The following TMEM92 variants were observed in gnomAD, a reference collection of about 807,000 sequenced individuals.
TMEM92 encodes transmembrane protein 92.
Under a neutral mutation model 14.6 loss-of-function variants are expected in TMEM92, and 15 were observed. The observed-to-expected ratio is 1.03, with a 90% CI of 0.69 to 1.58. TMEM92 has a LOEUF of 1.58. Ranked by LOEUF, TMEM92 falls within the 40% of genes most tolerant of loss-of-function variation. The pLI, the probability that TMEM92 is intolerant of heterozygous loss-of-function variation, is 0.00. For synonymous variants in TMEM92, 85 were observed against 83.3 expected (o/e 1.02, Z -0.11); for missense variants, 174 against 202.4 (o/e 0.86, Z 0.85).
chr17:50,279,153 G>A (rs1275342717), intron 4 of TMEM92, 42 bp from the exon 5 acceptor site: 1 of 1,595,546 alleles, frequency 6.3e-7, no homozygotes, highest in Non-Finnish European at 8.6e-7. Context: ...GTGGTGGCCA[G>A]GGCCAGGGCC....
chr17:50,274,177 C>T (rs531145702), upstream of TMEM92, among the ~76,000 whole-genome samples: 651 of 152,102 alleles, frequency 4.3e-3, 5 homozygotes, highest in African/African-American at 0.014. Context: ...CGGGGGGTCT[C>T]ACCATGTAGG....
chr17:50,277,844 T>C lies in TMEM92; in HGVS notation c.95+104T>C. 7 of 1,434,852 alleles carry C rather than the reference T, an allele frequency of 4.9e-6. No homozygotes were observed. The East Asian group carries it at 1.4e-4, about 28-fold the overall frequency. The allele number at this position is 1,434,852 out of a possible 1,614,324, so 88.9% of individuals were successfully genotyped here. On this transcript the variant is annotated intron_variant, in intron 2 of 4. Coordinates refer to ENST00000507382, the MANE Select transcript of TMEM92 (RefSeq NM_153229.3). ...TGTGGGAGGCCAGAAACTCCATCCG[T>C]CCTCAGTCCCAATCCAGCCAGAAAC...
chr17:50,272,064 A>G (rs1910265530), upstream of TMEM92, among the ~76,000 whole-genome samples: 1 of 152,060 alleles, frequency 6.6e-6, no homozygotes, highest in Admixed American at 6.5e-5. Flanking sequence ...CTAAAATGAA[A>G]TTATTCATCG....
At chr17:50,277,600 G>C in intron 1 of TMEM92, 115 bp from the exon 2 acceptor site, 1 of 1,240,492 alleles carries the variant, frequency 8.1e-7, no homozygotes. Flanking sequence ...GGAAGAGGCT[G>C]AGTCTACTGG....
intron 2 of TMEM92, among the ~76,000 whole-genome samples, chr17:50,278,200 G>A (rs764900679): frequency 5.9e-5 from 9 of 152,058 alleles, no homozygotes; most frequent in Non-Finnish European, 1.2e-4. Context: ...GGCTCTTCCT[G>A]GACATGCCAC....
chr17:50,277,731 G>T lies in TMEM92; in HGVS notation c.86G>T (p.Gly29Val), dbSNP rs1449668252. ...AGPQKIAAKC[G>V]LILACPKGFK... ...CTTCCACAGATTGCAGCCAAATGTG[G>T]TCTCATCCTGTAAGTCTAGAGGCCA... Residue 29 changes from glycine to valine, a missense_variant, in exon 2 of 5, where the codon GGT becomes GTT. By Grantham distance (109) the Gly-to-Val change is moderately radical. Coordinates refer to ENST00000507382, the MANE Select transcript of TMEM92 (RefSeq NM_153229.3). 10 of 1,613,884 alleles carry T rather than the reference G, an allele frequency of 6.2e-6. No homozygotes were observed. Among genetic ancestry groups the T allele is most frequent in the Non-Finnish European group, 8.5e-6 (10 of 1,179,954 alleles).
rs1014898037 is a variant in TMEM92, at chr17:50,278,468, G to C, written c.96-88G>C. 4 of 1,460,786 alleles carry C rather than the reference G, an allele frequency of 2.7e-6. No individual in the cohort carries two copies. The African/African-American group carries it at 5.6e-5, about 20-fold the overall frequency. 90.5% of individuals were successfully genotyped at this position (1,460,786 alleles called of 1,614,324 possible). ...GGTGGCTTGTGCCATGAGCATCTTGGGTGTATTTTGGGGAGGCTGGGATCC... is the reference window on the plus strand; with the variant it reads ...GGTGGCTTGTGCCATGAGCATCTTGCGTGTATTTTGGGGAGGCTGGGATCC... On this transcript the variant is annotated intron_variant, in intron 2 of 4. Transcript: ENST00000507382.
intron 2 of TMEM92, among the ~76,000 whole-genome samples, 177 bp from the exon 3 acceptor site, chr17:50,278,379 C>T (rs563853955): frequency 6.6e-6 from 1 of 152,196 alleles, no homozygotes; most frequent in Non-Finnish European, 1.5e-5. Flanking sequence ...CAAGTGCACA[C>T]GCCCTTCCCC....
upstream of TMEM92, among the ~76,000 whole-genome samples, chr17:50,273,441 C>T (rs550188759): frequency 2.7e-4 from 41 of 152,348 alleles, no homozygotes; most frequent in African/African-American, 9.4e-4. Context: ...TTCCAGGAAT[C>T]TGGATGGGCC....
rs1437677045 is a variant in TMEM92 at position 50,278,859 on chromosome 17, A to G, written c.229A>G (p.Lys77Glu). The change falls in exon 4 of 5, where the codon AAG becomes GAG. Residue 77 changes from lysine (K) to glutamate (E), a missense_variant. By Grantham distance (56) the Lys-to-Glu change is moderately conservative (BLOSUM62 1). Transcript: ENST00000507382. ...LSVFCICGLA[K>E]CFCRNCREPE... is the part of the protein sequence containing the mutation. ...CGTCTTTTGCATCTGTGGCCTGGCTAAGTGCTTCTGTCGCAACTGCAGAGA... is the reference window on the plus strand; with the variant it reads ...CGTCTTTTGCATCTGTGGCCTGGCTGAGTGCTTCTGTCGCAACTGCAGAGA... 1.9e-6 allele frequency: 3 copies of G among 1,613,624 alleles called. No individual in the cohort carries two copies.
chr17:50,272,975 A>G (rs1332594638), upstream of TMEM92, among the ~76,000 whole-genome samples: 1 of 152,120 alleles, frequency 6.6e-6, no homozygotes, highest in East Asian at 1.9e-4. Context: ...GGGGAGAGAC[A>G]CAGAGGGGTT....
At chr17:50,276,245 G>A (rs1285042286) in intron 1 of TMEM92, among the ~76,000 whole-genome samples, 1 of 152,154 alleles carries the variant, frequency 6.6e-6, no homozygotes, top group Non-Finnish European at 1.5e-5. Context: ...GCCTCCCAAG[G>A]TATTTAGGAT....
rs1270066693 is a variant in TMEM92, at chr17:50,279,397, T to C, written c.*89T>C. 1.0e-6 allele frequency: 1 copy of C among 981,296 alleles called. No homozygotes were observed. The highest frequency in any genetic ancestry group is 1.6e-6 in the Non-Finnish European group (1 of 623,878). 60.8% of individuals were successfully genotyped at this position (981,296 alleles called of 1,614,324 possible). A position where few individuals can be genotyped will look rare whatever the true frequency, so the allele number is the denominator to read the frequency against. Reference sequence around the variant, plus strand: ...AGAGACTGCTGGCACCCCAGGAATGTCCCTGCCCATCCTGCCGTGTCTCTG... The same window carrying C: ...AGAGACTGCTGGCACCCCAGGAATGCCCCTGCCCATCCTGCCGTGTCTCTG... On this transcript the variant is annotated 3_prime_UTR_variant, in exon 5 of 5. Coordinates refer to ENST00000507382, the MANE Select transcript of TMEM92 (RefSeq NM_153229.3).
chr17:50,275,976 C>T (rs1322978641), intron 1 of TMEM92, among the ~76,000 whole-genome samples: 1 of 151,884 alleles, frequency 6.6e-6, no homozygotes, highest in Non-Finnish European at 1.5e-5. Flanking sequence ...ACTAACAATA[C>T]AAAAATTAGC....
chr17:50,277,690 C>T (rs1433766941), intron 1 of TMEM92, 25 bp from the exon 2 acceptor site: 1 of 1,613,846 alleles, frequency 6.2e-7, no homozygotes, highest in East Asian at 2.2e-5. Flanking sequence ...TGACCCTGAC[C>T]CCCGACCTCT....
intron 4 of TMEM92, 77 bp from the exon 5 acceptor site, chr17:50,279,118 A>AC: frequency 6.6e-7 from 1 of 1,507,202 alleles, no homozygotes; most frequent in South Asian, 1.1e-5. Context: ...CTCCCTGGTA[A>AC]CCATGCCTCA....
At chr17:50,274,458 C>A (rs372427534), upstream of TMEM92, 9 of 1,606,420 alleles carry the variant, frequency 5.6e-6, no homozygotes, top group Non-Finnish European at 7.7e-6. Flanking sequence ...AGGTCGCAGC[C>A]CCGCCTTCTC....
chr17:50,272,437 G>A (rs947082555), upstream of TMEM92, among the ~76,000 whole-genome samples: 3 of 152,228 alleles, frequency 2.0e-5, no homozygotes, highest in Admixed American at 1.3e-4. Flanking sequence ...AGGCCTTGCT[G>A]TTGCAGTGGG....
At chr17:50,274,418 C>T, upstream of TMEM92, 2 of 1,463,370 alleles carry the variant, frequency 1.4e-6, no homozygotes, top group Non-Finnish European at 1.9e-6. Flanking sequence ...CATCCCGAGG[C>T]GGGGCCCCAT....
Sources: gnomAD v4.1 joint callset for allele counts (sites outside exome capture counted in the v4.1 genomes callset) on GRCh38, gnomAD v4.1.1 for gene constraint, MANE v1.5 for transcripts, NCBI Gene and HGNC (gene_info 2026-07-23, HGNC 2026-07-21) for gene names.